Variants in RAB27A observed in about 807,000 individuals in gnomAD.
RAB27A encodes RAB27A, member RAS oncogene family.
A neutral mutation model predicts 20.8 loss-of-function variants in RAB27A; 17 were observed. The ratio of observed to expected loss-of-function variants is 0.82; its 90% confidence interval spans 0.56 to 1.23. The LOEUF (loss-of-function observed/expected upper bound fraction) is 1.23, where lower values mean the gene tolerates loss of function less well. Ranked by LOEUF, RAB27A falls within the 50% of genes most tolerant of loss-of-function variation. RAB27A has a pLI of 0.00. For missense variants in RAB27A, 277 were observed against 266.7 expected (o/e 1.04, Z -0.27); for synonymous variants, 85 against 92.8 (o/e 0.92, Z 0.48).
chr15:55,316,445 G>A (rs1254804385), intron 1 of RAB27A, among the ~76,000 whole-genome samples: 2 of 150,998 alleles, frequency 1.3e-5, no homozygotes, highest in Non-Finnish European at 2.9e-5. Context: ...GGGGGGCAAG[G>A]GGAGGGAGAG....
chr15:55,267,240 C>A (rs527633939), intron 2 of RAB27A, among the ~76,000 whole-genome samples: 1 of 152,248 alleles, frequency 6.6e-6, no homozygotes, highest in East Asian at 1.9e-4. Context: ...TAAAAGATTC[C>A]AGCTTAGACT....
intron 6 of RAB27A, among the ~76,000 whole-genome samples, chr15:55,220,346 C>A (rs867317588): frequency 9.2e-5 from 14 of 152,182 alleles, no homozygotes; most frequent in Non-Finnish European, 1.8e-4. Flanking sequence ...TGGCTCACTG[C>A]AACCTCTGCC....
At chr15:55,252,808 C>A (rs1449768426) in intron 2 of RAB27A, among the ~76,000 whole-genome samples, 1 of 152,160 alleles carries the variant, frequency 6.6e-6, no homozygotes, top group African/African-American at 2.4e-5. Flanking sequence ...TTTATTCAAT[C>A]AACTTGCTTT....
At chr15:55,286,163 C>G (rs1025722117) in intron 1 of RAB27A, among the ~76,000 whole-genome samples, 1 of 152,200 alleles carries the variant, frequency 6.6e-6, no homozygotes, top group African/African-American at 2.4e-5. Context: ...GGAAGCCAAG[C>G]AGGGTTGGGC....
At chr15:55,296,555 G>T (rs926451791) in intron 2 of RAB27A, among the ~76,000 whole-genome samples, 1 of 152,140 alleles carries the variant, frequency 6.6e-6, no homozygotes, top group Non-Finnish European at 1.5e-5. Context: ...GGAAAAAGAT[G>T]AGCCAGAAAG....
At chr15:55,264,297 G>A (rs559088733) in intron 2 of RAB27A, among the ~76,000 whole-genome samples, 19 of 152,194 alleles carry the variant, frequency 1.2e-4, no homozygotes, top group African/African-American at 2.4e-4. Context: ...GTGATCAGCC[G>A]GCCTCGGCCT....
At chr15:55,256,446 G>A (rs868749482) in intron 2 of RAB27A, among the ~76,000 whole-genome samples, 5 of 152,106 alleles carry the variant, frequency 3.3e-5, no homozygotes, top group African/African-American at 7.2e-5. Context: ...CAATCTGACC[G>A]TGACTCAAAG....
intron 2 of RAB27A, among the ~76,000 whole-genome samples, chr15:55,268,996 G>A (rs2141093579): frequency 6.6e-6 from 1 of 152,272 alleles, no homozygotes; most frequent in Non-Finnish European, 1.5e-5. Context: ...ACACAGGGAG[G>A]ATGGCATGAA....
intron 2 of RAB27A, among the ~76,000 whole-genome samples, chr15:55,312,993 G>A (rs1169545559): frequency 1.3e-5 from 2 of 152,128 alleles, no homozygotes; most frequent in South Asian, 2.1e-4. Flanking sequence ...GCTGCTCCTT[G>A]AGCCCCGGTC....
chr15:55,210,715 G>T (rs2140914793), intron 6 of RAB27A, among the ~76,000 whole-genome samples: 1 of 151,876 alleles, frequency 6.6e-6, no homozygotes, highest in South Asian at 2.1e-4. Context: ...CCATTCTATG[G>T]GTTATCTCTT....
intron 6 of RAB27A, among the ~76,000 whole-genome samples, chr15:55,209,928 A>G (rs1894886814): frequency 1.7e-5 from 2 of 120,358 alleles, no homozygotes; most frequent in Non-Finnish European, 3.3e-5. Context: ...ATACACACAT[A>G]TATGTATGTA....
intron 2 of RAB27A, among the ~76,000 whole-genome samples, chr15:55,310,578 G>A (rs1025491603): frequency 9.2e-5 from 14 of 152,162 alleles, no homozygotes; most frequent in Non-Finnish European, 1.5e-5. Context: ...TTAGGCATTC[G>A]ATTTGCCCAG....
Position 55,205,266 on chromosome 15 carries a change from T to G in RAB27A, c.*241A>C, listed in dbSNP as rs1300676145. 1 of 557,666 alleles carries G rather than the reference T, an allele frequency of 1.8e-6. No individual in the cohort carries two copies. Among genetic ancestry groups the G allele is most frequent in the Non-Finnish European group, 3.2e-6 (1 of 311,116 alleles). The allele number at this position is 557,666 out of a possible 1,614,324, so 34.5% of individuals were successfully genotyped here. ...ATGATTTACTATAATAGGCTAAGGTTGTATAAGGCACTTTTGGCTCTGAAA... is the reference window on the plus strand; with the variant it reads ...ATGATTTACTATAATAGGCTAAGGTGGTATAAGGCACTTTTGGCTCTGAAA... On this transcript the variant is annotated 3_prime_UTR_variant, in exon 7 of 7. Coordinates refer to ENST00000336787, the MANE Select transcript of RAB27A (RefSeq NM_183235.3).
chr15:55,225,190 C>T (rs78788507), intron 5 of RAB27A, among the ~76,000 whole-genome samples: 3,961 of 152,316 alleles, frequency 0.026, 74 homozygotes, highest in Non-Finnish European at 0.04. Flanking sequence ...CAGAGTGGCT[C>T]TGTGCTCTGT....
upstream of RAB27A, among the ~76,000 whole-genome samples, chr15:55,293,971 T>A (rs983974178): frequency 4.6e-5 from 7 of 152,072 alleles, no homozygotes; most frequent in Non-Finnish European, 1.0e-4. Flanking sequence ...ACACATAATA[T>A]TGTGAAGATG....
intron 6 of RAB27A, among the ~76,000 whole-genome samples, chr15:55,212,372 A>C (rs1895067784): frequency 6.6e-6 from 1 of 152,118 alleles, no homozygotes. Context: ...AATCTTATGC[A>C]CTGTACAAGA....
chr15:55,296,421 G>A (rs573190153), intron 2 of RAB27A, among the ~76,000 whole-genome samples: 35 of 152,102 alleles, frequency 2.3e-4, no homozygotes, highest in Middle Eastern at 6.8e-3. Flanking sequence ...ACTTGAACCC[G>A]GGAGGCAGAG....
At chr15:55,235,155 A>G (rs1224888132) in intron 2 of RAB27A, among the ~76,000 whole-genome samples, 199 bp from the exon 3 acceptor site, 1 of 152,202 alleles carries the variant, frequency 6.6e-6, no homozygotes, top group Non-Finnish European at 1.5e-5. Flanking sequence ...CTATTGAAAT[A>G]GTAATTAACA....
At chr15:55,286,912 C>CTTTTTTTT (rs35313703) in intron 1 of RAB27A, among the ~76,000 whole-genome samples, 2 of 57,166 alleles carry the variant, frequency 3.5e-5, no homozygotes, top group South Asian at 9.4e-4. Context: ...TAGATGTATT[C>CTTTTTTTT]TTTTTTTTTT....
Sources: gnomAD v4.1 joint callset for allele counts (sites outside exome capture counted in the v4.1 genomes callset) on GRCh38, gnomAD v4.1.1 for gene constraint, MANE v1.5 for transcripts, NCBI Gene and HGNC (gene_info 2026-07-23, HGNC 2026-07-21) for gene names.